SHANK2: variants seen among roughly 807,000 people sequenced by gnomAD.
SHANK2 encodes SH3 and multiple ankyrin repeat domains protein 2.
SHANK2 carries 43 observed loss-of-function variants against 133.7 expected under a neutral mutation model. The ratio of observed to expected loss-of-function variants is 0.32; its 90% CI spans 0.25 to 0.41. The LOEUF (loss-of-function observed/expected upper bound fraction) is 0.41, where lower values mean the gene tolerates loss of function less well. SHANK2 is among the 10% of genes least tolerant of loss of function. The probability of loss-of-function intolerance (pLI) is 1.00; values close to 1 mark genes in which losing one functional copy is unlikely to be tolerated. For missense variants in SHANK2, 1,994 were observed against 2,235.8 expected, an observed-to-expected ratio of 0.89 and a Z score of 2.18; for synonymous variants, 1,017 against 952.8, an observed-to-expected ratio of 1.07 and a Z score of -1.24.
intron 13 of SHANK2, among the ~76,000 whole-genome samples, chr11:70,802,614 T>A (rs894014112): frequency 6.6e-6 from 1 of 152,168 alleles, no homozygotes; most frequent in Non-Finnish European, 1.5e-5. Flanking sequence ...TCCTTCTGCT[T>A]AAATTGACAC....
At chr11:70,482,331 A>G (rs187021751) in intron 25 of SHANK2, among the ~76,000 whole-genome samples, 93 of 151,336 alleles carry the variant, frequency 6.1e-4, no homozygotes, top group South Asian at 1.1e-3. Context: ...TAAGCCTGCT[A>G]TTAGCCTCTT....
chr11:71,151,839 GC>G (rs1391294724), intron 2 of SHANK2, among the ~76,000 whole-genome samples: 1 of 152,072 alleles, frequency 6.6e-6, no homozygotes, highest in African/African-American at 2.4e-5. Context: ...TGTGTAGGAA[GC>G]CCCCCCTCAG....
At chr11:70,530,828 G>A (rs1219667949) in intron 17 of SHANK2, among the ~76,000 whole-genome samples, 5 of 152,096 alleles carry the variant, frequency 3.3e-5, no homozygotes, top group South Asian at 2.1e-4. Flanking sequence ...TAGTGGTGAC[G>A]ATTGCACAAC....
intron 1 of SHANK2, among the ~76,000 whole-genome samples, chr11:71,250,566 AC>A (rs764992930): frequency 5.1e-4 from 77 of 151,724 alleles, no homozygotes; most frequent in Non-Finnish European, 9.9e-4. Context: ...CGCTCTCCTC[AC>A]TCCACCCCCA....
rs549735820 is a variant in SHANK2, at chr11:70,623,028, T to TA, written c.2061+36799dup. ...CCCATCTCTACTAAAAATACAAAAT[T>TA]AGCCAGGCATGGTGGCACACACCTG... On this transcript the variant is annotated intron_variant, in intron 17 of 25. Coordinates refer to ENST00000601538, the MANE Select transcript of SHANK2 (RefSeq NM_012309.5). 1.1e-4 allele frequency among the ~76,000 whole-genome samples: 16 copies of TA among 151,906 alleles called. No homozygotes were observed. In the South Asian group the frequency reaches 2.1e-3, roughly 20 times the overall value.
rs113743472 is a variant in SHANK2 at position 70,479,646 on chromosome 11, C to T, written c.4979+5668G>A. Among the ~76,000 whole-genome samples the T allele has an allele frequency of 1.7e-4, 26 of 152,378 alleles. No homozygotes were observed. The highest frequency in any genetic ancestry group is 6.0e-4 in the African/African-American group (25 of 41,600). On this transcript the variant is annotated intron_variant, in intron 25 of 25. Coordinates refer to ENST00000601538, the MANE Select transcript of SHANK2 (RefSeq NM_012309.5). This position sits in a 1 kb window ranked among gnomAD's most constrained non-coding sequence, Gnocchi z 4.4. ...CTCTGGGGAACTCTTATAGGCCATGCACCCTAACAGAAGCCATGGGGGACC... is the reference window on the plus strand; with the variant it reads ...CTCTGGGGAACTCTTATAGGCCATGTACCCTAACAGAAGCCATGGGGGACC...
At chr11:70,838,149 C>G (rs1457564163) in intron 11 of SHANK2, among the ~76,000 whole-genome samples, 1 of 152,154 alleles carries the variant, frequency 6.6e-6, no homozygotes, top group Non-Finnish European at 1.5e-5. Context: ...CTCCCTACAA[C>G]TGGGGCCTTC....
At chr11:71,093,707 A>C (rs1951557161) in intron 7 of SHANK2, among the ~76,000 whole-genome samples, 1 of 152,162 alleles carries the variant, frequency 6.6e-6, no homozygotes, top group African/African-American at 2.4e-5. Flanking sequence ...CTGCAGAATC[A>C]TGAGCCAATG....
chr11:71,230,224 A>G (rs1954719550), intron 1 of SHANK2, among the ~76,000 whole-genome samples: 1 of 152,054 alleles, frequency 6.6e-6, no homozygotes, highest in Admixed American at 6.6e-5. Flanking sequence ...TGGGAAGCAG[A>G]GGTTGCAGTG....
intron 17 of SHANK2, chr11:70,635,082 G>A (rs1296460733): frequency 6.6e-6 from 1 of 152,190 alleles, no homozygotes; most frequent in African/African-American, 2.4e-5. Flanking sequence ...GGGGAAACTG[G>A]AGCCCTTGGG....
At chr11:71,227,720 T>G (rs1954664158) in intron 1 of SHANK2, among the ~76,000 whole-genome samples, 1 of 152,148 alleles carries the variant, frequency 6.6e-6, no homozygotes, top group Admixed American at 6.5e-5. Context: ...ATCAAAGTGA[T>G]AGTTGTAGAA....
At chr11:70,849,019 C>A (rs554590733) in intron 11 of SHANK2, among the ~76,000 whole-genome samples, 2 of 152,190 alleles carry the variant, frequency 1.3e-5, no homozygotes, top group East Asian at 3.9e-4. Flanking sequence ...GTGAGTGGTG[C>A]CCAGGGATGC....
intron 14 of SHANK2, among the ~76,000 whole-genome samples, chr11:70,724,424 G>A (rs1946136191): frequency 6.6e-6 from 1 of 152,160 alleles, no homozygotes. Flanking sequence ...GTGTATGCAT[G>A]TGCCTGTGGC....
chr11:70,558,770 C>T (rs1257426047), intron 17 of SHANK2, among the ~76,000 whole-genome samples: 1 of 152,194 alleles, frequency 6.6e-6, no homozygotes. Flanking sequence ...GAAAGACACA[C>T]TGACGGCCCA....
At chr11:70,762,217 AAAATTC>A (rs1335327070) in intron 14 of SHANK2, among the ~76,000 whole-genome samples, 7 of 150,730 alleles carry the variant, frequency 4.6e-5, no homozygotes, top group Non-Finnish European at 1.0e-4. Context: ...GGTAGTTCTC[AAAATTC>A]TGTGGTTTTA....
intron 6 of SHANK2, among the ~76,000 whole-genome samples, chr11:71,104,172 C>A (rs1482406242): frequency 1.3e-5 from 2 of 152,014 alleles, no homozygotes; most frequent in Non-Finnish European, 2.9e-5. Flanking sequence ...CACATTTTCC[C>A]GGCACCACCG....
chr11:71,241,345 T>C (rs1954888934), intron 1 of SHANK2, among the ~76,000 whole-genome samples: 1 of 152,048 alleles, frequency 6.6e-6, no homozygotes, highest in African/African-American at 2.4e-5. Context: ...AAGTGACTAT[T>C]AAGGAAACAT....
chr11:70,639,312 A>G (rs1483444594), intron 17 of SHANK2, among the ~76,000 whole-genome samples: 1 of 152,140 alleles, frequency 6.6e-6, no homozygotes, highest in East Asian at 1.9e-4. Flanking sequence ...TGGCTTCTAG[A>G]CAACAGAAAT....
intron 17 of SHANK2, among the ~76,000 whole-genome samples, chr11:70,566,780 A>C (rs1217386106): frequency 6.6e-6 from 1 of 152,240 alleles, no homozygotes; most frequent in Non-Finnish European, 1.5e-5. Context: ...TAATTCATTT[A>C]GTCTCCATCA....
Sources: allele counts gnomAD v4.1 joint callset (sites outside exome capture counted in the v4.1 genomes callset), GRCh38; gene constraint gnomAD v4.1.1; non-coding constraint Gnocchi (gnomAD v3.1); transcripts MANE v1.5; gene names NCBI Gene and HGNC (gene_info 2026-07-23, HGNC 2026-07-21).